Variants in OTOF observed in about 807,000 individuals in gnomAD.
OTOF encodes fer-1-like family member 2.
Under a neutral mutation model 236.8 loss-of-function variants are expected in OTOF, and 218 were observed. The ratio of observed to expected loss-of-function variants is 0.92; its 90% confidence interval spans 0.82 to 1.03. OTOF has a LOEUF of 1.03. Ranked by LOEUF, OTOF falls within the 50% of genes least tolerant of loss-of-function variation. OTOF has a pLI of 0.00. For synonymous variants in OTOF, 1,041 were observed against 1,072.5 expected, an observed-to-expected ratio of 0.97 and a Z score of 0.57; for missense variants, 2,590 against 2,694.4, an observed-to-expected ratio of 0.96 and a Z score of 0.86.
intron 4 of OTOF, 58 bp from the exon 5 acceptor site, chr2:26,516,657 T>G (rs1320236621): frequency 6.4e-7 from 1 of 1,558,404 alleles, no homozygotes; most frequent in African/African-American, 1.3e-5. Flanking sequence ...CTCCACCCCG[T>G]ATATGTGGCT....
intron 1 of OTOF, among the ~76,000 whole-genome samples, chr2:26,542,831 G>T (rs1234918206): frequency 6.6e-6 from 1 of 152,198 alleles, no homozygotes; most frequent in Non-Finnish European, 1.5e-5. Context: ...GCCATCCGAA[G>T]GGGAAGGAGA....
In OTOF at chr2:26,461,807, T is replaced by C. The variant is rs773284093; in HGVS notation, c.5422A>G (p.Ile1808Val). The C allele has an allele frequency of 3.1e-6, 5 of 1,614,176 alleles. No individual in the cohort carries two copies. The highest frequency in any genetic ancestry group is 3.3e-4 in the Middle Eastern group (2 of 6,062). ...GAGAACATGGACTCCTTCTTGGAGA[T>C]GACGATCTTCTCCTCCGCCGCCAGG... is the stretch of plus-strand genomic sequence containing the variant. ...DYLAAEEKIV[I>V]SKKESMFSWD... Residue 1808 changes from isoleucine (I) to valine (V), a missense_variant, in exon 43 of 47, where the codon ATC (isoleucine) becomes GTC (valine). By Grantham distance (29) the Ile-to-Val change is conservative. Around this residue, in one of 2 missense-constraint regions of OTOF, gnomAD observed 1,211 missense variants for 1,352.8 expected, o/e 0.90. Transcript: ENST00000272371. This position sits in a 1 kb window ranked among gnomAD's most constrained non-coding sequence, Gnocchi z 6.2.
intron 2 of OTOF, among the ~76,000 whole-genome samples, chr2:26,537,142 C>G (rs190311436): frequency 1.4e-4 from 22 of 152,344 alleles, no homozygotes; most frequent in African/African-American, 5.1e-4. Flanking sequence ...CGTCTTTTCT[C>G]ATGGAACCCC....
At chr2:26,527,520 T>A (rs537541575) in intron 3 of OTOF, among the ~76,000 whole-genome samples, 174 of 152,190 alleles carry the variant, frequency 1.1e-3, no homozygotes, top group African/African-American at 3.8e-3. Flanking sequence ...AGCGTGGCAT[T>A]GAGGGAGACT....
At chr2:26,520,412 T>A (rs1333678985) in intron 3 of OTOF, among the ~76,000 whole-genome samples, 1 of 152,144 alleles carries the variant, frequency 6.6e-6, no homozygotes, top group East Asian at 1.9e-4. Flanking sequence ...GGGTGAACAT[T>A]GATTTTTTAA....
rs766461156 is a variant in OTOF at position 26,466,702 on chromosome 2, CG to C, written c.4500+11del. The C allele has an allele frequency of 5.0e-6, 8 of 1,614,074 alleles. No individual in the cohort carries two copies. Among genetic ancestry groups the C allele is most frequent in the Non-Finnish European group, 6.8e-6 (8 of 1,179,962 alleles). On this transcript the variant is annotated intron_variant, in intron 36 of 46. Coordinates refer to ENST00000272371, the MANE Select transcript of OTOF (RefSeq NM_194248.3). ...GGAGACTTGCAAGGAGGGAAAGCGA[CG>C]GGAGTCTCACCCGGACCACATAGAC...
At chr2:26,553,722 G>T (rs1011307609) in intron 1 of OTOF, among the ~76,000 whole-genome samples, 2 of 152,010 alleles carry the variant, frequency 1.3e-5, no homozygotes, top group Non-Finnish European at 1.5e-5. Context: ...AAAAACTCCC[G>T]CCTCCCTTCT....
At position 26,493,987 on chromosome 2, in the gene OTOF, T is replaced by C. The variant is rs568745216; in HGVS notation, c.897+955A>G. Among the ~76,000 whole-genome samples the C allele has an allele frequency of 2.6e-5, 4 of 152,350 alleles. No individual in the cohort carries two copies. In the South Asian group the frequency reaches 8.3e-4, roughly 32 times the overall value. ...TGCCTCTAAGTCATTCTTTGGGTTT[T>C]GATGAGTGAGTGTATTTCTCTATTT... On this transcript the variant is annotated intron_variant, in intron 9 of 46. Coordinates refer to ENST00000272371, the MANE Select transcript of OTOF (RefSeq NM_194248.3).
rs1665040797 is a variant in OTOF, at chr2:26,472,564, T to C, written c.3819A>G (p.Pro1273=). The part of the protein sequence containing the change: ...STGEVVVTME[P]EVPIKKLETM... ...TCTCCAGTTTCTTGATGGGTACCTC[T>C]GGCTCCATAGTCACCACAACCTCCC... is the stretch of plus-strand genomic sequence containing the variant. The change falls in exon 30 of 47, where the codon CCA becomes CCG. Residue 1273 remains proline (P), a synonymous_variant. Transcript: ENST00000272371. 5 of 1,613,518 alleles carry C rather than the reference T, an allele frequency of 3.1e-6. No individual in the cohort carries two copies. The South Asian group carries it at 3.3e-5, about 11-fold the overall frequency.
At chr2:26,472,318 A>G (rs1665026422) in intron 30 of OTOF, 2 of 653,978 alleles carry the variant, frequency 3.1e-6, no homozygotes, top group Middle Eastern at 2.6e-4. Flanking sequence ...ACATTTACAT[A>G]CCACACGCAC....
At chr2:26,542,501 AG>A (rs767296055) in intron 1 of OTOF, among the ~76,000 whole-genome samples, 15 of 152,246 alleles carry the variant, frequency 9.9e-5, no homozygotes, top group Non-Finnish European at 1.9e-4. Context: ...ACACAGGAAA[AG>A]GAGCAATGAC....
At position 26,556,285 on chromosome 2, in the gene OTOF, T is replaced by C. The variant is rs772820850; in HGVS notation, c.79+2208A>G. ...CCCAGTGGTTGCATGTGCTGGGAGA[T>C]GCTAAGGAACATTGTAGAGCGGGTC... On this transcript the variant is annotated intron_variant, in intron 1 of 46. Transcript: ENST00000272371. Among the ~76,000 whole-genome samples the C allele has an allele frequency of 5.3e-4, 81 of 152,290 alleles. 1 individual carries two copies. Among genetic ancestry groups the C allele is most frequent in the Non-Finnish European group, 8.8e-4 (60 of 68,014 alleles).
In OTOF at chr2:26,516,234, G is replaced by A. The variant is rs184756060; in HGVS notation, c.509+184C>T. Among the ~76,000 whole-genome samples the A allele has an allele frequency of 5.5e-3, 832 of 152,330 alleles. 3 individuals carry two copies. The highest frequency in any genetic ancestry group is 0.041 in the Middle Eastern group (12 of 294). ...CTCCTGCTCCCTGCCCAGTGACCTC[G>A]GGGGTGGACGGCTGGGTGGGGGGCT... On this transcript the variant is annotated intron_variant, in intron 5 of 46. Transcript: ENST00000272371.
Position 26,467,359 on chromosome 2 carries a change from T to C in OTOF, c.4227+6A>G. The C allele has an allele frequency of 6.2e-7, 1 of 1,613,378 alleles. No homozygotes were observed. The highest frequency in any genetic ancestry group is 1.7e-5 in the Admixed American group (1 of 59,972). On this transcript the variant is annotated splice_donor_region_variant and intron_variant, in intron 34 of 46. Coordinates refer to ENST00000272371, the MANE Select transcript of OTOF (RefSeq NM_194248.3). ...ACCCTAGAAGGGTCTGCTCCTAGGCTCTCACCTTAAGCTCATCAATCTTGG... is the reference window on the plus strand; with the variant it reads ...ACCCTAGAAGGGTCTGCTCCTAGGCCCTCACCTTAAGCTCATCAATCTTGG...
At chr2:26,536,533 C>T (rs1485939842) in intron 2 of OTOF, among the ~76,000 whole-genome samples, 1 of 152,124 alleles carries the variant, frequency 6.6e-6, no homozygotes, top group Admixed American at 6.5e-5. Context: ...AGGTTTTGCT[C>T]CCTGTGTCTC....
chr2:26,468,566 C>A (rs188043805), intron 32 of OTOF, 92 bp from the exon 33 acceptor site: 1 of 907,106 alleles, frequency 1.1e-6, no homozygotes, highest in East Asian at 2.4e-5. Context: ...AGTCTTAATG[C>A]ACTAGAAGTA....
rs201944750 is a variant in OTOF, at chr2:26,462,170, C to T, written c.5204G>A (p.Arg1735Gln). 11 of 1,613,906 alleles carry T rather than the reference C, an allele frequency of 6.8e-6. No individual in the cohort carries two copies. The highest frequency in any genetic ancestry group is 4.4e-5 in the South Asian group (4 of 91,062). The change falls in exon 42 of 47, where the codon CGG becomes CAG. Residue 1735 changes from arginine to glutamine, a missense_variant. By Grantham distance (43) the Arg-to-Gln change is conservative (BLOSUM62 1). Around this residue, in one of 2 missense-constraint regions of OTOF, gnomAD observed 1,211 missense variants for 1,352.8 expected, o/e 0.90. Coordinates refer to ENST00000272371, the MANE Select transcript of OTOF (RefSeq NM_194248.3). The surrounding 1 kb of genome is among the most constrained non-coding windows in gnomAD (Gnocchi z 4.7). Reference protein sequence around the residue: ...SPRKPKKYELRVIIWNTDEVV... With the variant: ...SPRKPKKYELQVIIWNTDEVV... ...CTCATCTGTGTTCCAGATGATGACC[C>T]GCAGCTCGTACCTGGGCCCAGGGAG...
chr2:26,483,081 A>G (rs1190807550), intron 13 of OTOF, among the ~76,000 whole-genome samples: 388 of 64,850 alleles, frequency 6.0e-3, no homozygotes, highest in Middle Eastern at 0.06. Flanking sequence ...GCGTGTGTGA[A>G]TGGGTGCATG....
At position 26,465,758 on chromosome 2, in the gene OTOF, G is replaced by A. The variant is rs375419130; in HGVS notation, c.4713C>T (p.Asp1571=). ...GGTCGATCTTGGTTTCCCCAATGAGGTCATCAGTGCCCACCAGGTCCCAGT... is the reference window on the plus strand; with the variant it reads ...GGTCGATCTTGGTTTCCCCAATGAGATCATCAGTGCCCACCAGGTCCCAGT... ...VYDWDLVGTD[D]LIGETKIDLE... is the part of the protein sequence containing the mutation. The change falls in exon 38 of 47, where the codon GAC becomes GAT. Residue 1571 remains aspartate (D), a synonymous_variant. Transcript: ENST00000272371. 27 of 1,614,264 alleles carry A rather than the reference G, an allele frequency of 1.7e-5. No individual in the cohort carries two copies. Among genetic ancestry groups the A allele is most frequent in the Non-Finnish European group, 2.1e-5 (25 of 1,180,048 alleles).
Sources: allele counts gnomAD v4.1 joint callset (sites outside exome capture counted in the v4.1 genomes callset), GRCh38; gene constraint gnomAD v4.1.1; regional missense constraint gnomAD v4.1.1; non-coding constraint Gnocchi (gnomAD v3.1); transcripts MANE v1.5; gene names NCBI Gene and HGNC (gene_info 2026-07-23, HGNC 2026-07-21).